NDUFAF2: variants seen among roughly 807,000 people sequenced by gnomAD.
NDUFAF2 encodes the protein NADH:ubiquinone oxidoreductase complex assembly factor 2.
NDUFAF2 carries 13 observed loss-of-function variants against 22.8 expected under a neutral mutation model. That is an observed-to-expected ratio of 0.57 (90% CI 0.37 to 0.91). The LOEUF (loss-of-function observed/expected upper bound fraction) is 0.91, where lower values mean the gene tolerates loss of function less well. NDUFAF2 is among the 40% of genes least tolerant of loss of function. NDUFAF2 has a pLI of 0.01. For missense variants in NDUFAF2, 162 were observed against 195.2 expected (o/e 0.83, Z 1.01); for synonymous variants, 53 against 64.2 (o/e 0.83, Z 0.84).
At position 60,992,957 on chromosome 5, in the gene NDUFAF2, T is replaced by G. The variant is rs547148703; in HGVS notation, c.127+47575T>G. Among the ~76,000 whole-genome samples the G allele has an allele frequency of 1.3e-4, 20 of 152,364 alleles. No individual in the cohort carries two copies. The East Asian group carries it at 3.9e-3, about 29-fold the overall frequency. ...AGAAACCTCTTTGGCCTGTGGCACCTTTGCCTGAGTTTTTCTTGGGACTGT... is the reference window on the plus strand; with the variant it reads ...AGAAACCTCTTTGGCCTGTGGCACCGTTGCCTGAGTTTTTCTTGGGACTGT... On this transcript the variant is annotated intron_variant, in intron 1 of 3. Transcript: ENST00000296597.
At chr5:61,052,675 G>C (rs1411021029) in intron 1 of NDUFAF2, among the ~76,000 whole-genome samples, 1 of 152,154 alleles carries the variant, frequency 6.6e-6, no homozygotes, top group Non-Finnish European at 1.5e-5. Flanking sequence ...GTTTTTATAA[G>C]TAGACACTAA....
intron 1 of NDUFAF2, among the ~76,000 whole-genome samples, chr5:61,049,830 A>G (rs1291274968): frequency 6.6e-6 from 1 of 151,736 alleles, no homozygotes; most frequent in East Asian, 1.9e-4. Context: ...ACATATATAT[A>G]AATACACACA....
intron 1 of NDUFAF2, among the ~76,000 whole-genome samples, chr5:61,040,286 A>ACACACG (rs1491193758): frequency 0.011 from 1,007 of 92,996 alleles, 8 homozygotes; most frequent in South Asian, 0.023. Context: ...ACACACACAC[A>ACACACG]CGCGCGCGCG....
intron 1 of NDUFAF2, among the ~76,000 whole-genome samples, chr5:61,012,523 A>G (rs555784802): frequency 1.1e-4 from 17 of 151,988 alleles, no homozygotes; most frequent in Non-Finnish European, 2.1e-4. Context: ...TCCTTTTCCA[A>G]TCTAGTACTT....
At position 60,980,829 on chromosome 5, in the gene NDUFAF2, A is replaced by G. The variant is rs200910159; in HGVS notation, c.127+35447A>G. Among the ~76,000 whole-genome samples, 39 of 152,192 alleles carry G rather than the reference A, an allele frequency of 2.6e-4. 1 individual carries two copies. The East Asian group carries it at 5.4e-3, about 21-fold the overall frequency. On this transcript the variant is annotated intron_variant, in intron 1 of 3. Coordinates refer to ENST00000296597, the MANE Select transcript of NDUFAF2 (RefSeq NM_174889.5). ...GCATCAGAGTCTATTAACAGCAAAA[A>G]TGATCAAGCAGAAGAATTAGTGAGC...
intron 2 of NDUFAF2, among the ~76,000 whole-genome samples, chr5:61,085,648 A>G (rs1344887107): frequency 6.6e-6 from 1 of 152,212 alleles, no homozygotes; most frequent in Non-Finnish European, 1.5e-5. Flanking sequence ...AAATTAAGTG[A>G]ATTTTGTAAC....
chr5:60,961,233 G>A (rs1486375663), intron 1 of NDUFAF2, among the ~76,000 whole-genome samples: 2 of 152,152 alleles, frequency 1.3e-5, no homozygotes, highest in African/African-American at 4.8e-5. Context: ...GCCAAGGCGG[G>A]TGCATCACCT....
intron 3 of NDUFAF2, among the ~76,000 whole-genome samples, chr5:61,128,873 T>C (rs1467315640): frequency 6.6e-6 from 1 of 151,982 alleles, no homozygotes; most frequent in Non-Finnish European, 1.5e-5. Context: ...ACCTACAGAA[T>C]GGGAGAAAAC....
chr5:60,967,266 A>G (rs943940320), intron 1 of NDUFAF2, among the ~76,000 whole-genome samples: 6 of 151,972 alleles, frequency 3.9e-5, no homozygotes, highest in African/African-American at 1.4e-4. Flanking sequence ...TTAAGAATAT[A>G]ACATCTTGTT....
intron 3 of NDUFAF2, among the ~76,000 whole-genome samples, chr5:61,137,055 T>G (rs1452280151): frequency 1.3e-5 from 2 of 152,212 alleles, no homozygotes; most frequent in Non-Finnish European, 2.9e-5. Flanking sequence ...ACCAATGCCG[T>G]TTTTATTATC....
At chr5:60,983,073 T>C (rs868508720) in intron 1 of NDUFAF2, among the ~76,000 whole-genome samples, 1,674 of 144,200 alleles carry the variant, frequency 0.012, 11 homozygotes, top group Middle Eastern at 0.025. Context: ...TGTTTCCTGA[T>C]TTTTTAATGA....
intron 1 of NDUFAF2, among the ~76,000 whole-genome samples, chr5:60,988,636 A>C (rs1247036869): frequency 6.6e-6 from 1 of 152,232 alleles, no homozygotes; most frequent in East Asian, 1.9e-4. Flanking sequence ...CACACCTACA[A>C]CCATCTGATC....
rs59845685 is a variant in NDUFAF2 at position 60,949,867 on chromosome 5, G to A, written c.127+4485G>A. 1.7e-3 allele frequency among the ~76,000 whole-genome samples: 254 copies of A among 152,142 alleles called. 1 individual carries two copies. Among genetic ancestry groups the A allele is most frequent in the African/African-American group, 5.6e-3 (231 of 41,526 alleles). On this transcript the variant is annotated intron_variant, in intron 1 of 3. Coordinates refer to ENST00000296597, the MANE Select transcript of NDUFAF2 (RefSeq NM_174889.5). ...TATTATAAATGATGCTTTAAAAAACGTAATTTCTAATTCTTTGTTACTATT... is the reference window on the plus strand; with the variant it reads ...TATTATAAATGATGCTTTAAAAAACATAATTTCTAATTCTTTGTTACTATT...
At chr5:61,141,924 G>A (rs140951847) in intron 3 of NDUFAF2, among the ~76,000 whole-genome samples, 1 of 152,230 alleles carries the variant, frequency 6.6e-6, no homozygotes, top group African/African-American at 2.4e-5. Flanking sequence ...GCACATAACA[G>A]CTCAATGAAT....
intron 1 of NDUFAF2, among the ~76,000 whole-genome samples, chr5:60,973,864 G>T (rs1443445080): frequency 1.3e-5 from 2 of 152,080 alleles, no homozygotes; most frequent in African/African-American, 2.4e-5. Flanking sequence ...GAGTAGAGTG[G>T]CATGATCCTG....
rs1235426536 is a variant in NDUFAF2 at position 60,947,597 on chromosome 5, C to G, written c.127+2215C>G. 2.0e-5 allele frequency among the ~76,000 whole-genome samples: 3 copies of G among 151,978 alleles called. No individual in the cohort carries two copies. In the East Asian group the frequency reaches 5.8e-4, roughly 29 times the overall value. ...CCTGGCCAACATGGTGAAACCCCAT[C>G]TCTACTAAAAATACAAAAATTAGCT... On this transcript the variant is annotated intron_variant, in intron 1 of 3. Coordinates refer to ENST00000296597, the MANE Select transcript of NDUFAF2 (RefSeq NM_174889.5).
chr5:60,993,336 G>A (rs561436238), intron 1 of NDUFAF2, among the ~76,000 whole-genome samples: 226 of 152,360 alleles, frequency 1.5e-3, no homozygotes, highest in Non-Finnish European at 3.0e-3. Flanking sequence ...CCAAGTCTGG[G>A]CTCCCTGAAG....
At chr5:61,119,365 A>G (rs1207281744) in intron 3 of NDUFAF2, among the ~76,000 whole-genome samples, 1 of 152,160 alleles carries the variant, frequency 6.6e-6, no homozygotes, top group Non-Finnish European at 1.5e-5. Flanking sequence ...AACAGTTAAT[A>G]TATGTCTATA....
chr5:60,968,455 A>C (rs1750786305), intron 1 of NDUFAF2, among the ~76,000 whole-genome samples: 1 of 151,728 alleles, frequency 6.6e-6, no homozygotes, highest in African/African-American at 2.4e-5. Context: ...TTTTTAATGT[A>C]AGTGTTCATT....
Sources: allele counts gnomAD v4.1 joint callset (sites outside exome capture counted in the v4.1 genomes callset), GRCh38; gene constraint gnomAD v4.1.1; transcripts MANE v1.5; gene names NCBI Gene and HGNC (gene_info 2026-07-23, HGNC 2026-07-21).